Variants in YLPM1 observed in about 807,000 individuals in gnomAD.
YLPM1 encodes YLP motif containing 1.
A neutral mutation model predicts 230.0 loss-of-function variants in YLPM1; 99 were observed. The ratio of observed to expected loss-of-function variants is 0.43; its 90% CI spans 0.37 to 0.51. YLPM1 has a LOEUF of 0.51. YLPM1 is among the 20% of genes least tolerant of loss of function. YLPM1 has a pLI of 0.00. For synonymous variants in YLPM1, 984 were observed against 942.5 expected, an observed-to-expected ratio of 1.04 and a Z score of -0.81; for missense variants, 2,592 against 2,707.7, an observed-to-expected ratio of 0.96 and a Z score of 0.95.
chr14:74,816,585 A>G lies in YLPM1; in HGVS notation c.5580A>G (p.Glu1860=). 1 of 1,613,282 alleles carries G rather than the reference A, an allele frequency of 6.2e-7. No homozygotes were observed. The highest frequency in any genetic ancestry group is 8.5e-7 in the Non-Finnish European group (1 of 1,179,646). The change falls in exon 13 of 21, where the codon GAA becomes GAG. Residue 1860 remains glutamate, a synonymous_variant. Transcript: ENST00000325680. ...VAKLIRDKEV[E]FGGPAPRVLS... ...ATGATTCTTAGGATAAGGAGGTAGA[A>G]TTTGGAGGACCTGCACCCAGAGTTC... is the stretch of plus-strand genomic sequence containing the variant.
chr14:74,773,892 T>C (rs543196858), intron 1 of YLPM1, among the ~76,000 whole-genome samples: 184 of 152,084 alleles, frequency 1.2e-3, no homozygotes, highest in Middle Eastern at 6.8e-3. Flanking sequence ...TACTAATTTT[T>C]GTATTTTTAG....
intron 4 of YLPM1, among the ~76,000 whole-genome samples, chr14:74,795,508 CATCTTAAATTCT>C (rs1470191838): frequency 6.6e-6 from 1 of 152,204 alleles, no homozygotes; most frequent in Non-Finnish European, 1.5e-5. Context: ...ACCTTGGAAT[CATCTTAAATTCT>C]TCCCTTACAA....
chr14:74,827,705 G>A (rs2091576456), intron 18 of YLPM1: 1 of 985,404 alleles, frequency 1.0e-6, no homozygotes, highest in African/African-American at 1.7e-5. Flanking sequence ...TCTAATAAGT[G>A]TGTTGGAGCT....
In YLPM1 at chr14:74,799,571, A is replaced by T; in HGVS notation, c.4274A>T (p.His1425Leu). 6.2e-7 allele frequency: 1 copy of T among 1,613,950 alleles called. No individual in the cohort carries two copies. The highest frequency in any genetic ancestry group is 1.3e-5 in the African/African-American group (1 of 75,028). ...PMAEHMPSSH[H>L]SSEMMGSDAS... ...GCGGAACATATGCCCTCCTCACATC[A>T]TTCCTCAGAAATGATGGGGTCCGAT... The change falls in exon 5 of 21, where the codon CAT (histidine) becomes CTT (leucine). Residue 1425 changes from histidine (H) to leucine (L), a missense_variant. Around this residue, in one of 4 missense-constraint regions of YLPM1, gnomAD observed 1,862 missense variants for 1,819.8 expected, o/e 1.02. Transcript: ENST00000325680.
chr14:74,811,710 A>G lies in YLPM1; in HGVS notation c.5319A>G (p.Pro1773=). 1 of 1,608,478 alleles carries G rather than the reference A, an allele frequency of 6.2e-7. No individual in the cohort carries two copies. Among genetic ancestry groups the G allele is most frequent in the Non-Finnish European group, 8.5e-7 (1 of 1,178,422 alleles). The change falls in exon 10 of 21, where the codon CCA becomes CCG. Residue 1773 remains proline (P), a synonymous_variant. Coordinates refer to ENST00000325680, the MANE Select transcript of YLPM1 (RefSeq NM_019589.3). ...CCTATGACCGGAAGTCTGACCGACC[A>G]GTCTATGAAGGACCATCCATGTTTG... ...RPSYDRKSDR[P]VYEGPSMFGG...
intron 15 of YLPM1, 78 bp downstream of exon 15, chr14:74,817,355 A>G (rs1433059194): frequency 3.2e-6 from 4 of 1,255,534 alleles, no homozygotes; most frequent in Non-Finnish European, 4.4e-6. Flanking sequence ...AGGACTGCAT[A>G]TATGGTGGTC....
chr14:74,780,301 A>T (rs561801004), intron 2 of YLPM1, 104 bp from the exon 3 acceptor site: 98 of 1,384,378 alleles, frequency 7.1e-5, no homozygotes, highest in East Asian at 2.5e-5. Context: ...TGACAGTTGG[A>T]TATTTCTGAG....
chr14:74,821,291 T>C, intron 17 of YLPM1, 154 bp downstream of exon 17: 1 of 1,170,400 alleles, frequency 8.5e-7, no homozygotes, highest in Non-Finnish European at 1.1e-6. Context: ...TTGGATACTC[T>C]TTATTTTTCC....
In YLPM1 at chr14:74,808,804, C is replaced by CA. The variant is rs34802468; in HGVS notation, c.4522-558dup. 1.1e-3 allele frequency among the ~76,000 whole-genome samples: 133 copies of CA among 122,900 alleles called. 1 individual carries two copies. Among genetic ancestry groups the CA allele is most frequent in the South Asian group, 3.1e-3 (11 of 3,552 alleles). 80.6% of individuals were successfully genotyped at this position (122,900 alleles called of 152,430 possible). A position where few individuals can be genotyped will look rare whatever the true frequency, so the allele number is the denominator to read the frequency against. On this transcript the variant is annotated intron_variant, in intron 6 of 20. Coordinates refer to ENST00000325680, the MANE Select transcript of YLPM1 (RefSeq NM_019589.3). ...GAGCAACAAGAGTGAAACTCCGTCT[C>CA]AAAAAAAAAAAAAAAAAATTGTGTT...
rs1433390378 is a variant in YLPM1 at position 74,798,508 on chromosome 14, A to G, written c.3211A>G (p.Lys1071Glu). Reference protein sequence around the residue: ...MMGRREDSREKMNRGEGSRDR... With the variant: ...MMGRREDSREEMNRGEGSRDR... The stretch of plus-strand genomic sequence containing the variant: ...GGGTAGAAGAGAAGATAGTCGAGAG[A>G]AGATGAACAGAGGAGAAGGTAGCCG... The change falls in exon 5 of 21, where the codon AAG becomes GAG. Residue 1071 changes from lysine to glutamate, a missense_variant. This residue lies in a region of YLPM1 where 1,862 missense variants were observed against 1,819.8 expected (regional missense o/e 1.02). Transcript: ENST00000325680. 1 of 1,613,982 alleles carries G rather than the reference A, an allele frequency of 6.2e-7. No individual in the cohort carries two copies. The highest frequency in any genetic ancestry group is 8.5e-7 in the Non-Finnish European group (1 of 1,179,876).
Position 74,764,351 on chromosome 14 carries a change from A to T in YLPM1, c.862A>T (p.Met288Leu), listed in dbSNP as rs2140062234. The T allele has an allele frequency of 6.2e-7, 1 of 1,609,254 alleles. No individual in the cohort carries two copies. Among genetic ancestry groups the T allele is most frequent in the Non-Finnish European group, 8.5e-7 (1 of 1,177,338 alleles). ...QAAPEPDPST[M>L]TPQEQQQYWY... ...CGCCCCTGAGCCAGATCCCTCTACG[A>T]TGACTCCACAGGTAAGAAAGCATCT... is the stretch of plus-strand genomic sequence containing the variant. The change falls in exon 1 of 21, where the codon ATG becomes TTG. Residue 288 changes from methionine to leucine, a missense_variant. Physicochemically the swap from Met to Leu is conservative, Grantham distance 15 (BLOSUM62 2). Coordinates refer to ENST00000325680, the MANE Select transcript of YLPM1 (RefSeq NM_019589.3).
intron 6 of YLPM1, among the ~76,000 whole-genome samples, chr14:74,805,206 G>C (rs990304248): frequency 6.6e-6 from 1 of 151,796 alleles, no homozygotes; most frequent in Non-Finnish European, 1.5e-5. Flanking sequence ...ATTTTTAGTA[G>C]AGACAGGGTT....
rs1462581817 is a variant in YLPM1, at chr14:74,809,475, G to A, written c.4617G>A (p.Val1539=). The change falls in exon 7 of 21, where the codon GTG becomes GTA. Residue 1539 remains valine (V), a synonymous_variant. Coordinates refer to ENST00000325680, the MANE Select transcript of YLPM1 (RefSeq NM_019589.3). Reference sequence around the variant, plus strand: ...CACCAGCAAGATCATCTGTTCCTGTGACCAGGCCACCTGTCCCAATACCAC... The same window carrying A: ...CACCAGCAAGATCATCTGTTCCTGTAACCAGGCCACCTGTCCCAATACCAC... ...SAPPARSSVP[V]TRPPVPIPPP... 1 of 1,589,506 alleles carries A rather than the reference G, an allele frequency of 6.3e-7. No homozygotes were observed. The highest frequency in any genetic ancestry group is 1.8e-5 in the Admixed American group (1 of 55,832).
intron 1 of YLPM1, among the ~76,000 whole-genome samples, chr14:74,765,487 T>C (rs2090903039): frequency 1.3e-5 from 2 of 152,134 alleles, no homozygotes; most frequent in South Asian, 2.1e-4. Flanking sequence ...TGAAATAAAG[T>C]AGTAGAATAA....
At position 74,799,461 on chromosome 14, in the gene YLPM1, T is replaced by C; in HGVS notation, c.4164T>C (p.Asp1388=). The C allele has an allele frequency of 6.2e-7, 1 of 1,613,936 alleles. No homozygotes were observed. The highest frequency in any genetic ancestry group is 8.5e-7 in the Non-Finnish European group (1 of 1,179,876). ...ERGDTWREKR[D]YVPDRMDWER... ...GAGATACATGGCGGGAAAAGCGAGATTATGTTCCTGACAGAATGGACTGGG... is the reference window on the plus strand; with the variant it reads ...GAGATACATGGCGGGAAAAGCGAGACTATGTTCCTGACAGAATGGACTGGG... Residue 1388 remains aspartate (D), a synonymous_variant, in exon 5 of 21, where the codon GAT becomes GAC. Coordinates refer to ENST00000325680, the MANE Select transcript of YLPM1 (RefSeq NM_019589.3).
intron 1 of YLPM1, among the ~76,000 whole-genome samples, chr14:74,767,075 G>T (rs528831136): frequency 1.3e-5 from 2 of 151,758 alleles, no homozygotes; most frequent in Non-Finnish European, 2.9e-5. Context: ...GTAGAGACGG[G>T]GTTTCACCAT....
chr14:74,785,367 T>G (rs2091137405), intron 4 of YLPM1, among the ~76,000 whole-genome samples: 1 of 152,238 alleles, frequency 6.6e-6, no homozygotes, highest in African/African-American at 2.4e-5. Context: ...CCTACTCACA[T>G]TATCCACCTT....
chr14:74,828,894 T>G (rs1202097050), intron 18 of YLPM1, among the ~76,000 whole-genome samples: 1 of 152,162 alleles, frequency 6.6e-6, no homozygotes, highest in Non-Finnish European at 1.5e-5. Flanking sequence ...ACTTTGCATT[T>G]GCCATCAGAA....
chr14:74,796,131 T>G (rs958308525), intron 4 of YLPM1, among the ~76,000 whole-genome samples: 5 of 152,200 alleles, frequency 3.3e-5, no homozygotes, highest in African/African-American at 1.2e-4. Flanking sequence ...GGCCTGTTAT[T>G]GTAGATAAGT....
Sources: gnomAD v4.1 joint callset for allele counts (sites outside exome capture counted in the v4.1 genomes callset) on GRCh38, gnomAD v4.1.1 for gene constraint, gnomAD v4.1.1 regional missense constraint, MANE v1.5 for transcripts, NCBI Gene and HGNC (gene_info 2026-07-23, HGNC 2026-07-21) for gene names.